The following ABHD6 variants were observed in gnomAD, a reference collection of about 807,000 sequenced individuals.
ABHD6 encodes the protein monoacylglycerol lipase ABHD6.
Under a neutral mutation model 38.8 loss-of-function variants are expected in ABHD6, and 33 were observed. The ratio of observed to expected loss-of-function variants is 0.85; its 90% CI spans 0.64 to 1.14. The LOEUF is 1.14. Ranked by LOEUF, ABHD6 falls within the 50% of genes most tolerant of loss-of-function variation. ABHD6 has a pLI of 0.00. For synonymous variants in ABHD6, 147 were observed against 161.6 expected (o/e 0.91, Z 0.69); for missense variants, 380 against 422.6 (o/e 0.90, Z 0.88).
rs1433028301 is a variant in ABHD6 at position 58,293,169 on chromosome 3, C to T, written c.838-420C>T. On this transcript the variant is annotated intron_variant, in intron 9 of 9. Coordinates refer to ENST00000478253, the MANE Select transcript of ABHD6 (RefSeq NM_001320126.2). This position sits in a 1 kb window ranked among gnomAD's most constrained non-coding sequence, Gnocchi z 4.4. ...GCCGTGCTCCTTGGTGGCCCCTGCA[C>T]TCGCCATGATCTCCCACCCTGTGCC... is the stretch of plus-strand genomic sequence containing the variant. 6.6e-6 allele frequency among the ~76,000 whole-genome samples: 1 copy of T among 152,078 alleles called. No homozygotes were observed. Among genetic ancestry groups the T allele is most frequent in the African/African-American group, 2.4e-5 (1 of 41,406 alleles).
intron 3 of ABHD6, among the ~76,000 whole-genome samples, chr3:58,261,708 T>C (rs758253252): frequency 6.6e-6 from 1 of 152,230 alleles, no homozygotes; most frequent in Admixed American, 6.5e-5. Context: ...AAATAAGTGT[T>C]GGTGAGGATG....
At chr3:58,250,280 T>C (rs1427897777) in intron 2 of ABHD6, among the ~76,000 whole-genome samples, 1 of 152,186 alleles carries the variant, frequency 6.6e-6, no homozygotes, top group Admixed American at 6.5e-5. Flanking sequence ...GAAGAGTTCA[T>C]CAGGCAGCCA....
chr3:58,267,351 A>G lies in ABHD6; in HGVS notation c.276+6A>G, dbSNP rs1363601288. 4 of 1,613,800 alleles carry G rather than the reference A, an allele frequency of 2.5e-6. No individual in the cohort carries two copies. The highest frequency in any genetic ancestry group is 1.3e-5 in the African/African-American group (1 of 74,884). ...TGTGGCTCAGTGTGGTCAAGGTGCA[A>G]TTCTCGATTCTTCTCTCTTATAAGA... On this transcript the variant is annotated splice_donor_region_variant and intron_variant, in intron 4 of 9. Transcript: ENST00000478253. This position sits in a 1 kb window ranked among gnomAD's most constrained non-coding sequence, Gnocchi z 4.3.
At position 58,267,934 on chromosome 3, in the gene ABHD6, A is replaced by G. The variant is rs954816649; in HGVS notation, c.276+589A>G. 1.3e-5 allele frequency among the ~76,000 whole-genome samples: 2 copies of G among 152,206 alleles called. No homozygotes were observed. Among genetic ancestry groups the G allele is most frequent in the Admixed American group, 6.5e-5 (1 of 15,284 alleles). On this transcript the variant is annotated intron_variant, in intron 4 of 9. Coordinates refer to ENST00000478253, the MANE Select transcript of ABHD6 (RefSeq NM_001320126.2). This position sits in a 1 kb window ranked among gnomAD's most constrained non-coding sequence, Gnocchi z 4.3. ...GTCTCTACAAAAAAATTAGCCAGGC[A>G]TGGTGGCATGCACCTGTAGTCCCAG...
chr3:58,250,422 T>G (rs2097429159), intron 2 of ABHD6, among the ~76,000 whole-genome samples: 1 of 152,138 alleles, frequency 6.6e-6, no homozygotes, highest in Non-Finnish European at 1.5e-5. Context: ...GAGCTGGGAC[T>G]ACATGGGGCG....
chr3:58,285,105 T>C lies in ABHD6; in HGVS notation c.702T>C (p.Asp234=). ...CTTAGATCCTGCAAGGCCTTGTCGA[T>C]GTCCGCATCCCTCATAACAACTTCT... ...VPQQILQGLV[D]VRIPHNNFYR... Residue 234 remains aspartate (D), a synonymous_variant, in exon 8 of 10, where the codon GAT becomes GAC. Transcript: ENST00000478253. This position sits in a 1 kb window ranked among gnomAD's most constrained non-coding sequence, Gnocchi z 4.9. 6.2e-7 allele frequency: 1 copy of C among 1,614,246 alleles called. No homozygotes were observed. Among genetic ancestry groups the C allele is most frequent in the Non-Finnish European group, 8.5e-7 (1 of 1,180,046 alleles).
intron 7 of ABHD6, among the ~76,000 whole-genome samples, chr3:58,275,966 T>C (rs1575527073): frequency 6.6e-6 from 1 of 152,228 alleles, no homozygotes; most frequent in Admixed American, 6.5e-5. Flanking sequence ...TATGGCTGCG[T>C]AGTATTCCAT....
At position 58,267,419 on chromosome 3, in the gene ABHD6, C is replaced by T. The variant is rs544209352; in HGVS notation, c.276+74C>T. ...GTGGCTCATGCCTATAATCCCAGCA[C>T]TTTGGGAGCCTGAGGCAGGAGGATT... is the stretch of plus-strand genomic sequence containing the variant. On this transcript the variant is annotated intron_variant, in intron 4 of 9. Transcript: ENST00000478253. This position sits in a 1 kb window ranked among gnomAD's most constrained non-coding sequence, Gnocchi z 4.3. The T allele has an allele frequency of 6.4e-7, 1 of 1,563,992 alleles. No homozygotes were observed. Among genetic ancestry groups the T allele is most frequent in the Admixed American group, 1.8e-5 (1 of 55,728 alleles).
chr3:58,287,856 A>C lies in ABHD6; in HGVS notation c.837+2403A>C, dbSNP rs1197642615. ...CAAGTAACTCAGCCCCTCTAAATTAAGGGTTTCTGAAACTTCTAGTACCAG... is the reference window on the plus strand; with the variant it reads ...CAAGTAACTCAGCCCCTCTAAATTACGGGTTTCTGAAACTTCTAGTACCAG... On this transcript the variant is annotated intron_variant, in intron 9 of 9. Transcript: ENST00000478253. The surrounding 1 kb of genome is among the most constrained non-coding windows in gnomAD (Gnocchi z 4.7). Among the ~76,000 whole-genome samples, 1 of 152,324 alleles carries C rather than the reference A, an allele frequency of 6.6e-6. No individual in the cohort carries two copies. Among genetic ancestry groups the C allele is most frequent in the East Asian group, 1.9e-4 (1 of 5,186 alleles).
At chr3:58,271,182 G>A in intron 6 of ABHD6, 118 bp downstream of exon 6, 1 of 1,180,282 alleles carries the variant, frequency 8.5e-7, no homozygotes, top group Non-Finnish European at 1.1e-6. Flanking sequence ...TGAGAGATAT[G>A]CAGTGTTTTA....
chr3:58,270,779 T>C lies in ABHD6; in HGVS notation c.391-153T>C, dbSNP rs1176753221. ...GAGAAGTCCATGCATGCCACAGGGC[T>C]CATCTTATAATGGATCCAGTAGAGT... On this transcript the variant is annotated intron_variant, in intron 5 of 9. Coordinates refer to ENST00000478253, the MANE Select transcript of ABHD6 (RefSeq NM_001320126.2). 2.0e-5 allele frequency among the ~76,000 whole-genome samples: 3 copies of C among 152,228 alleles called. 1 individual carries two copies. The highest frequency in any genetic ancestry group is 4.4e-5 in the Non-Finnish European group (3 of 68,042).
Position 58,251,145 on chromosome 3 carries a change from T to C in ABHD6, c.-26+1203T>C, listed in dbSNP as rs1178697932. On this transcript the variant is annotated intron_variant, in intron 2 of 9. Transcript: ENST00000478253. This position sits in a 1 kb window ranked among gnomAD's most constrained non-coding sequence, Gnocchi z 5.4. ...AGACCAGCCCAGCATGGTGAAACCC[T>C]GTCTCTACTAAAAAGACAAAAATTA... 5.9e-5 allele frequency among the ~76,000 whole-genome samples: 9 copies of C among 151,984 alleles called. No homozygotes were observed. Among genetic ancestry groups the C allele is most frequent in the South Asian group, 4.1e-4 (2 of 4,824 alleles).
Position 58,293,848 on chromosome 3 carries a change from T to G in ABHD6, c.*83T>G. On this transcript the variant is annotated 3_prime_UTR_variant, in exon 10 of 10. Coordinates refer to ENST00000478253, the MANE Select transcript of ABHD6 (RefSeq NM_001320126.2). The surrounding 1 kb of genome is among the most constrained non-coding windows in gnomAD (Gnocchi z 4.4). The stretch of plus-strand genomic sequence containing the variant: ...ACGCAGCCACCACTCTCAGGGATCC[T>G]GCCCCAAATGCGGTCGGAGCGCCAG... The G allele has an allele frequency of 6.7e-7, 1 of 1,492,968 alleles. No individual in the cohort carries two copies. The highest frequency in any genetic ancestry group is 9.1e-7 in the Non-Finnish European group (1 of 1,102,714). 92.5% of individuals were successfully genotyped at this position (1,492,968 alleles called of 1,614,324 possible). A position where few individuals can be genotyped will look rare whatever the true frequency, so the allele number is the denominator to read the frequency against.
rs34839470 is a variant in ABHD6, at chr3:58,275,330, C to CTT, written c.681+530_681+531dup. ...AAAAAATCTCAGGACCCCTTATACT[C>CTT]TTTTTTTTTTTTTTTTCCAGACAGA... On this transcript the variant is annotated intron_variant, in intron 7 of 9. Coordinates refer to ENST00000478253, the MANE Select transcript of ABHD6 (RefSeq NM_001320126.2). 1.5e-3 allele frequency among the ~76,000 whole-genome samples: 201 copies of CTT among 133,200 alleles called. 2 individuals are homozygous for CTT. Among genetic ancestry groups the CTT allele is most frequent in the African/African-American group, 4.1e-3 (143 of 34,990 alleles). The allele number at this position is 133,200 out of a possible 152,430, so 87.4% of individuals were successfully genotyped here.
At chr3:58,248,792 C>T (rs1238574191) in intron 1 of ABHD6, among the ~76,000 whole-genome samples, 1 of 152,216 alleles carries the variant, frequency 6.6e-6, no homozygotes, top group Non-Finnish European at 1.5e-5. Context: ...GTAGAGTTTG[C>T]TGATGAGAAT....
chr3:58,249,559 G>A (rs1051074368), intron 1 of ABHD6, among the ~76,000 whole-genome samples: 10 of 152,126 alleles, frequency 6.6e-5, no homozygotes, highest in Admixed American at 2.0e-4. Flanking sequence ...CCCTAACCCC[G>A]ATGGAGGAGA....
chr3:58,265,697 T>G lies in ABHD6; in HGVS notation c.120-1492T>G, dbSNP rs566292637. Among the ~76,000 whole-genome samples the G allele has an allele frequency of 1.3e-5, 2 of 152,326 alleles. No homozygotes were observed. Among genetic ancestry groups the G allele is most frequent in the East Asian group, 3.9e-4 (2 of 5,188 alleles). ...TAGATAATTTATAAAGAAAAGAAAT[T>G]TGTTTGGCTTATTGTTCTGGAGGTT... On this transcript the variant is annotated intron_variant, in intron 3 of 9. Coordinates refer to ENST00000478253, the MANE Select transcript of ABHD6 (RefSeq NM_001320126.2). The surrounding 1 kb of genome is among the most constrained non-coding windows in gnomAD (Gnocchi z 4.2).
chr3:58,260,711 A>C (rs1252618464), intron 3 of ABHD6, among the ~76,000 whole-genome samples: 1 of 152,166 alleles, frequency 6.6e-6, no homozygotes, highest in African/African-American at 2.4e-5. Context: ...AATTTTCAGG[A>C]TTGCTACACA....
intron 9 of ABHD6, among the ~76,000 whole-genome samples, chr3:58,290,320 A>T (rs1446151468): frequency 1.7e-5 from 2 of 118,418 alleles, no homozygotes; most frequent in East Asian, 3.2e-4. Context: ...TCCCTCCCGG[A>T]CGGGGCGGCT....
Sources: allele counts gnomAD v4.1 joint callset (sites outside exome capture counted in the v4.1 genomes callset), GRCh38; gene constraint gnomAD v4.1.1; non-coding constraint Gnocchi (gnomAD v3.1); transcripts MANE v1.5; gene names NCBI Gene and HGNC (gene_info 2026-07-23, HGNC 2026-07-21).